CACNB2: variants seen among roughly 807,000 people sequenced by gnomAD.
CACNB2 encodes the protein calcium voltage-gated channel auxiliary subunit beta 2, also known as voltage-dependent L-type calcium channel subunit beta-2.
CACNB2 carries 42 observed loss-of-function variants against 73.3 expected under a neutral mutation model. That is an observed-to-expected ratio of 0.57 (90% CI 0.45 to 0.74). CACNB2 has a LOEUF of 0.74. Ranked by LOEUF, CACNB2 falls within the 30% of genes least tolerant of loss-of-function variation. CACNB2 has a pLI of 0.00. For missense variants in CACNB2, 940 were observed against 853.0 expected, an observed-to-expected ratio of 1.10 and a Z score of -1.27; for synonymous variants, 348 against 310.3, an observed-to-expected ratio of 1.12 and a Z score of -1.28.
At chr10:18,440,645 C>T (rs913158196) in intron 3 of CACNB2, among the ~76,000 whole-genome samples, 4 of 150,294 alleles carry the variant, frequency 2.7e-5, no homozygotes, top group Non-Finnish European at 5.9e-5. Flanking sequence ...TATCCCCCAC[C>T]CCCCAGAGAA....
At chr10:18,368,811 T>G (rs1016436688) in intron 2 of CACNB2, among the ~76,000 whole-genome samples, 2 of 152,102 alleles carry the variant, frequency 1.3e-5, no homozygotes, top group Non-Finnish European at 2.9e-5. Flanking sequence ...TTTACATAAT[T>G]TCAGAAACCA....
chr10:18,212,694 G>GT (rs2035366573), intron 2 of CACNB2, among the ~76,000 whole-genome samples: 1 of 151,636 alleles, frequency 6.6e-6, no homozygotes, highest in Non-Finnish European at 1.5e-5. Flanking sequence ...TTTATAAAAT[G>GT]TTTTTTACCC....
intron 3 of CACNB2, among the ~76,000 whole-genome samples, chr10:18,461,890 A>G (rs1392734003): frequency 1.4e-5 from 2 of 148,134 alleles, no homozygotes; most frequent in Non-Finnish European, 1.5e-5. Flanking sequence ...GAGTTTATCC[A>G]GTATCTGATA....
chr10:18,184,790 T>A (rs1275099184), intron 2 of CACNB2, among the ~76,000 whole-genome samples: 1 of 151,770 alleles, frequency 6.6e-6, no homozygotes, highest in Non-Finnish European at 1.5e-5. Context: ...GGTAAACACC[T>A]GCCATGATGA....
At chr10:18,312,432 AAG>A (rs2039996650) in intron 2 of CACNB2, among the ~76,000 whole-genome samples, 1 of 152,232 alleles carries the variant, frequency 6.6e-6, no homozygotes, top group African/African-American at 2.4e-5. Context: ...CTTGCCCACA[AAG>A]GAATAATTTA....
intron 2 of CACNB2, among the ~76,000 whole-genome samples, chr10:18,274,882 T>C (rs2038211626): frequency 6.6e-6 from 1 of 152,182 alleles, no homozygotes; most frequent in African/African-American, 2.4e-5. Flanking sequence ...TTTTTCATTT[T>C]TTTCTTCTCT....
intron 2 of CACNB2, among the ~76,000 whole-genome samples, chr10:18,331,457 T>TAA (rs559677087): frequency 0.086 from 11,947 of 138,306 alleles, 636 homozygotes; most frequent in African/African-American, 0.14. Context: ...GCATCTCATT[T>TAA]AAAAAAAAAA....
chr10:18,418,165 C>A (rs2045106199), intron 3 of CACNB2, among the ~76,000 whole-genome samples: 1 of 152,182 alleles, frequency 6.6e-6, no homozygotes, highest in Admixed American at 6.5e-5. Flanking sequence ...ACCTCTGCCT[C>A]CCATGTTCAG....
At chr10:18,331,736 A>G (rs1310413382) in intron 2 of CACNB2, among the ~76,000 whole-genome samples, 1 of 152,180 alleles carries the variant, frequency 6.6e-6, no homozygotes, top group Non-Finnish European at 1.5e-5. Flanking sequence ...CAACTTAGCC[A>G]GTTAGTTAAT....
chr10:18,503,050 C>G (rs1451963354), intron 5 of CACNB2, among the ~76,000 whole-genome samples: 2 of 152,010 alleles, frequency 1.3e-5, no homozygotes, highest in African/African-American at 4.8e-5. Flanking sequence ...TCATTAGCAG[C>G]AGTAAATTAT....
rs1294532678 is a variant in CACNB2, at chr10:18,481,205, TATATATATATATATATATATATA to T, written c.334-17149_334-17127del. 6.9e-3 allele frequency among the ~76,000 whole-genome samples: 82 copies of T among 11,836 alleles called. 4 individuals are homozygous for T. The highest frequency in any genetic ancestry group is 8.0e-3 in the Non-Finnish European group (42 of 5,272). The allele number at this position is 11,836 out of a possible 152,430, so 7.8% of individuals were successfully genotyped here. On this transcript the variant is annotated intron_variant, in intron 3 of 13. Coordinates refer to ENST00000324631, the MANE Select transcript of CACNB2 (RefSeq NM_201596.3). ...ATTACATCTTCGCTATATATATATATATATATATATATATATATATATATATTTTTTTTTTTTTTTTTTTTTTT... is the reference window on the plus strand; with the variant it reads ...ATTACATCTTCGCTATATATATATATTATTTTTTTTTTTTTTTTTTTTTTT...
At chr10:18,382,743 C>A (rs183061227) in intron 2 of CACNB2, among the ~76,000 whole-genome samples, 1 of 152,254 alleles carries the variant, frequency 6.6e-6, no homozygotes, top group East Asian at 1.9e-4. Flanking sequence ...GGATGCATAG[C>A]ATTTCATGAT....
intron 3 of CACNB2, among the ~76,000 whole-genome samples, chr10:18,405,742 G>A (rs530778607): frequency 6.6e-6 from 1 of 152,264 alleles, no homozygotes; most frequent in South Asian, 2.1e-4. Flanking sequence ...TGGATCACCT[G>A]AGGTCAGGAG....
At chr10:18,390,691 CAT>C (rs2043429576) in intron 2 of CACNB2, among the ~76,000 whole-genome samples, 1 of 152,146 alleles carries the variant, frequency 6.6e-6, no homozygotes, top group Non-Finnish European at 1.5e-5. Flanking sequence ...TATGTATAGT[CAT>C]ATTTTCTGCT....
chr10:18,282,754 A>G (rs2038608639), intron 2 of CACNB2, among the ~76,000 whole-genome samples: 1 of 152,202 alleles, frequency 6.6e-6, no homozygotes, highest in African/African-American at 2.4e-5. Flanking sequence ...ATATTAGTCC[A>G]TTTCCACACT....
At chr10:18,313,683 G>T (rs1327601523) in intron 2 of CACNB2, among the ~76,000 whole-genome samples, 3 of 152,060 alleles carry the variant, frequency 2.0e-5, no homozygotes, top group Admixed American at 2.0e-4. Context: ...ATCTATTAAG[G>T]GGAAAATATG....
intron 3 of CACNB2, among the ~76,000 whole-genome samples, chr10:18,468,199 C>A (rs940240066): frequency 6.6e-6 from 1 of 152,144 alleles, no homozygotes; most frequent in Non-Finnish European, 1.5e-5. Context: ...GTGGCTCACG[C>A]CTGCAATCCC....
At chr10:18,164,343 C>A (rs2032690924) in intron 2 of CACNB2, among the ~76,000 whole-genome samples, 1 of 152,172 alleles carries the variant, frequency 6.6e-6, no homozygotes, top group Non-Finnish European at 1.5e-5. Context: ...AGTTGAAAAT[C>A]AGCCATTCTC....
intron 2 of CACNB2, among the ~76,000 whole-genome samples, chr10:18,317,427 C>T (rs941091974): frequency 1.3e-5 from 2 of 152,074 alleles, no homozygotes; most frequent in Non-Finnish European, 1.5e-5. Flanking sequence ...GTTCATTGTT[C>T]TCTTCTTTGT....
Sources: gnomAD v4.1 joint callset for allele counts (sites outside exome capture counted in the v4.1 genomes callset) on GRCh38, gnomAD v4.1.1 for gene constraint, MANE v1.5 for transcripts, NCBI Gene and HGNC (gene_info 2026-07-23, HGNC 2026-07-21) for gene names.